SHB: variants seen among roughly 807,000 people sequenced by gnomAD.
SHB encodes SH2 domain-containing adapter protein B.
Under a neutral mutation model 52.3 loss-of-function variants are expected in SHB, and 20 were observed. The observed-to-expected ratio is 0.38, with a 90% CI of 0.27 to 0.56. The LOEUF is 0.56. SHB is among the 20% of genes least tolerant of loss of function. The pLI, the probability that SHB is intolerant of heterozygous loss-of-function variation, is 0.71. For synonymous variants in SHB, 397 were observed against 316.5 expected, an observed-to-expected ratio of 1.25 and a Z score of -2.70; for missense variants, 825 against 723.3, an observed-to-expected ratio of 1.14 and a Z score of -1.61.
Position 38,068,496 on chromosome 9 carries a change from G to C in SHB, c.150C>G (p.Ala50=), listed in dbSNP as rs763619340. The C allele has an allele frequency of 8.7e-6, 13 of 1,494,962 alleles. No individual in the cohort carries two copies. The highest frequency in any genetic ancestry group is 1.2e-5 in the Non-Finnish European group (13 of 1,128,728). 92.6% of individuals were successfully genotyped at this position (1,494,962 alleles called of 1,614,324 possible). Residue 50 remains alanine, a synonymous_variant, in exon 1 of 6, where the codon GCC becomes GCG. Transcript: ENST00000377707. The stretch of plus-strand genomic sequence containing the variant: ...TGGCCGGACCGCAGGACGCCGAGGC[G>C]GCGGAGGAGGCCTGCGGCACGGCCT... ...PPQAVPQASS[A]ASASCGPATA... is the part of the protein sequence containing the mutation.
intron 5 of SHB, among the ~76,000 whole-genome samples, chr9:37,929,172 A>G (rs889985058): frequency 6.6e-6 from 1 of 152,214 alleles, no homozygotes; most frequent in African/African-American, 2.4e-5. Flanking sequence ...TCTGGGAAGT[A>G]GAGCTTTCAC....
chr9:37,940,675 G>A (rs1832424892), intron 5 of SHB, among the ~76,000 whole-genome samples: 1 of 152,184 alleles, frequency 6.6e-6, no homozygotes, highest in Admixed American at 6.5e-5. Context: ...CCAGAGGCAG[G>A]CAAGCTTCTT....
At chr9:37,959,613 G>T (rs944580561) in intron 3 of SHB, among the ~76,000 whole-genome samples, 1 of 152,204 alleles carries the variant, frequency 6.6e-6, no homozygotes, top group African/African-American at 2.4e-5. Flanking sequence ...GACACAGAAG[G>T]TGAGCAGAGA....
chr9:37,959,984 T>C (rs1832676929), intron 3 of SHB, among the ~76,000 whole-genome samples: 2 of 152,128 alleles, frequency 1.3e-5, no homozygotes, highest in East Asian at 1.9e-4. Flanking sequence ...TTTAGCTTTA[T>C]TGGGAAAAAA....
chr9:38,002,568 AT>A (rs561281095), intron 2 of SHB, among the ~76,000 whole-genome samples: 2 of 152,160 alleles, frequency 1.3e-5, no homozygotes, highest in South Asian at 4.1e-4. Flanking sequence ...TCAGGCCACC[AT>A]TCAGGGGACA....
intron 2 of SHB, 71 bp downstream of exon 2, chr9:38,015,940 C>T (rs914449945): frequency 5.2e-6 from 8 of 1,528,434 alleles, no homozygotes; most frequent in African/African-American, 4.1e-5. Context: ...GGGGACCACC[C>T]GGCAGTGCCC....
chr9:38,017,482 G>A (rs762177965), intron 1 of SHB, among the ~76,000 whole-genome samples: 73 of 152,252 alleles, frequency 4.8e-4, no homozygotes, highest in African/African-American at 1.5e-3. Context: ...GGGTGAGCAA[G>A]TGACCGCCAG....
At chr9:37,987,261 C>T (rs148253229) in intron 2 of SHB, among the ~76,000 whole-genome samples, 27 of 152,318 alleles carry the variant, frequency 1.8e-4, no homozygotes, top group South Asian at 8.3e-4. Flanking sequence ...AGGAACACTG[C>T]GTGCTGGAGT....
Position 38,068,589 on chromosome 9 carries a change from G to A in SHB, c.57C>T (p.Pro19=). 6.7e-7 allele frequency: 1 copy of A among 1,492,608 alleles called. No individual in the cohort carries two copies. 92.5% of individuals were successfully genotyped at this position (1,492,608 alleles called of 1,614,324 possible). The change falls in exon 1 of 6, where the codon CCC becomes CCT. Residue 19 remains proline (P), a synonymous_variant. Transcript: ENST00000377707. ...FSLGNSKTKS[P]PQPPRPDYRE... ...GGTAGTCTGGCCGCGGCGGCTGCGG[G>A]GGGCTCTTGGTCTTGCTGTTGCCCA...
At chr9:37,938,430 T>C (rs1832399068) in intron 5 of SHB, among the ~76,000 whole-genome samples, 1 of 152,242 alleles carries the variant, frequency 6.6e-6, no homozygotes, top group Non-Finnish European at 1.5e-5. Context: ...CATTCCCAGA[T>C]GGCTTTTGCA....
chr9:37,939,047 C>A (rs1226610071), intron 5 of SHB, among the ~76,000 whole-genome samples: 1 of 152,166 alleles, frequency 6.6e-6, no homozygotes, highest in African/African-American at 2.4e-5. Context: ...TCAATTCTAC[C>A]TCCACACACC....
chr9:37,970,934 T>A (rs577740753), intron 3 of SHB, among the ~76,000 whole-genome samples: 1 of 152,048 alleles, frequency 6.6e-6, no homozygotes, highest in South Asian at 2.1e-4. Flanking sequence ...AGTTTCCCCA[T>A]CCAGGCCAAA....
chr9:38,017,575 A>G (rs1174779882), intron 1 of SHB, among the ~76,000 whole-genome samples: 2 of 152,224 alleles, frequency 1.3e-5, no homozygotes, highest in Non-Finnish European at 2.9e-5. Flanking sequence ...CGGGAGGTTT[A>G]GCACACAGCG....
chr9:37,962,935 T>C (rs1013722125), intron 3 of SHB, among the ~76,000 whole-genome samples: 1 of 152,202 alleles, frequency 6.6e-6, no homozygotes, highest in Non-Finnish European at 1.5e-5. Flanking sequence ...GCCCTCGTTT[T>C]TAAAAGTGAC....
intron 1 of SHB, among the ~76,000 whole-genome samples, chr9:38,019,188 G>A (rs1156288517): frequency 6.6e-6 from 1 of 152,234 alleles, no homozygotes; most frequent in Non-Finnish European, 1.5e-5. Context: ...GTCATCTTTT[G>A]TTTGCTCGGC....
At chr9:37,979,722 C>T (rs1233767165) in intron 2 of SHB, among the ~76,000 whole-genome samples, 1 of 151,992 alleles carries the variant, frequency 6.6e-6, no homozygotes, top group African/African-American at 2.4e-5. Flanking sequence ...TTTGGGAGGC[C>T]AAGGTGGGCA....
chr9:38,057,927 G>A (rs559261362), intron 1 of SHB, among the ~76,000 whole-genome samples: 52 of 152,204 alleles, frequency 3.4e-4, no homozygotes, highest in Non-Finnish European at 6.8e-4. Context: ...AGACTTAATC[G>A]CTGCACTGTC....
In SHB at chr9:37,948,527, G is replaced by T. The variant is rs536819169; in HGVS notation, c.1346+108C>A. On this transcript the variant is annotated intron_variant, in intron 5 of 5. Transcript: ENST00000377707. ...CCCAGGCCTAAAATAACGTGTGCTG[G>T]CAAGTTTCCCAGGGGACACTGGCGG... The T allele has an allele frequency of 8.1e-6, 11 of 1,362,748 alleles. No individual in the cohort carries two copies. The South Asian group carries it at 1.2e-4, about 15-fold the overall frequency. The allele number at this position is 1,362,748 out of a possible 1,614,324, so 84.4% of individuals were successfully genotyped here. A position where few individuals can be genotyped will look rare whatever the true frequency, so the allele number is the denominator to read the frequency against.
intron 1 of SHB, among the ~76,000 whole-genome samples, chr9:38,049,996 G>A (rs1477211728): frequency 2.0e-5 from 3 of 152,104 alleles, no homozygotes; most frequent in African/African-American, 7.2e-5. Flanking sequence ...TCACCATGTT[G>A]GTCAGGTTGG....
Sources: allele counts gnomAD v4.1 joint callset (sites outside exome capture counted in the v4.1 genomes callset), GRCh38; gene constraint gnomAD v4.1.1; transcripts MANE v1.5; gene names NCBI Gene and HGNC (gene_info 2026-07-23, HGNC 2026-07-21).